The following LHFPL3 variants were observed in gnomAD, a reference collection of about 807,000 sequenced individuals.
The protein encoded by LHFPL3 is LHFPL tetraspan subfamily member 3, also known as LHFPL tetraspan subfamily member 3 protein.
In LHFPL3, 5 loss-of-function variants were observed where a neutral mutation model predicts 19.3. That is an observed-to-expected ratio of 0.26 (90% CI 0.14 to 0.54). The LOEUF is 0.54. Among genes scored for constraint, LHFPL3 ranks in the 20% least tolerant of loss-of-function variants. LHFPL3 has a pLI of 0.94. For missense variants in LHFPL3, 249 were observed against 307.4 expected (o/e 0.81, Z 1.42); for synonymous variants, 133 against 126.2 (o/e 1.05, Z -0.36).
intron 1 of LHFPL3, chr7:104,622,972 T>C (rs956665438): frequency 1.2e-5 from 4 of 330,498 alleles, no homozygotes; most frequent in Non-Finnish European, 2.5e-5. Flanking sequence ...TCATTTTTAT[T>C]ATAGCTATCC....
At chr7:104,806,718 T>C (rs1214750459) in intron 2 of LHFPL3, among the ~76,000 whole-genome samples, 1 of 152,212 alleles carries the variant, frequency 6.6e-6, no homozygotes, top group African/African-American at 2.4e-5. Context: ...TTTGCCTTCA[T>C]TCAGTTGTGA....
In LHFPL3 at chr7:104,588,104, A is replaced by G. The variant is rs545569700; in HGVS notation, c.446-148571A>G. 1.5e-4 allele frequency among the ~76,000 whole-genome samples: 23 copies of G among 152,180 alleles called. No individual in the cohort carries two copies. In the East Asian group the frequency reaches 2.3e-3, roughly 15 times the overall value. ...TGATGGCACTTTCTTTTGCTGTGCA[A>G]AAGCTCTTTAGTTTAATTAGATCCC... On this transcript the variant is annotated intron_variant, in intron 1 of 2. Coordinates refer to ENST00000424859, the MANE Select transcript of LHFPL3 (RefSeq NM_199000.3).
intron 1 of LHFPL3, among the ~76,000 whole-genome samples, chr7:104,490,036 G>A (rs1329864837): frequency 6.6e-6 from 1 of 152,142 alleles, no homozygotes; most frequent in African/African-American, 2.4e-5. Flanking sequence ...CATAGGGCCT[G>A]GGGAGGGACT....
intron 1 of LHFPL3, among the ~76,000 whole-genome samples, chr7:104,591,260 C>G (rs1458354872): frequency 6.6e-6 from 1 of 152,146 alleles, no homozygotes; most frequent in East Asian, 1.9e-4. Context: ...ACCAGTTGTT[C>G]CTTTCCATGT....
Position 104,877,206 on chromosome 7 carries a change from A to G in LHFPL3, c.683-28981A>G, listed in dbSNP as rs976856249. Reference sequence around the variant, plus strand: ...ACGAGTTACTGGGTGCAGCACACCAACATGGCACATGTATACATATGTAAC... The same window carrying G: ...ACGAGTTACTGGGTGCAGCACACCAGCATGGCACATGTATACATATGTAAC... On this transcript the variant is annotated intron_variant, in intron 2 of 2. Coordinates refer to ENST00000424859, the MANE Select transcript of LHFPL3 (RefSeq NM_199000.3). Among the ~76,000 whole-genome samples the G allele has an allele frequency of 4.6e-5, 7 of 152,180 alleles. 1 individual carries two copies. Among genetic ancestry groups the G allele is most frequent in the African/African-American group, 1.7e-4 (7 of 41,440 alleles).
At chr7:104,517,477 G>A (rs1397033279) in intron 1 of LHFPL3, among the ~76,000 whole-genome samples, 1 of 149,052 alleles carries the variant, frequency 6.7e-6, no homozygotes, top group Non-Finnish European at 1.5e-5. Flanking sequence ...TTTAACATAT[G>A]ACTCAAATTA....
At chr7:104,646,329 G>A in intron 1 of LHFPL3, among the ~76,000 whole-genome samples, 1 of 152,188 alleles carries the variant, frequency 6.6e-6, no homozygotes, top group East Asian at 1.9e-4. Context: ...AGGACTCCAA[G>A]TTTTATTTTC....
intron 1 of LHFPL3, among the ~76,000 whole-genome samples, chr7:104,633,082 C>T (rs1007026925): frequency 4.6e-5 from 7 of 152,096 alleles, no homozygotes; most frequent in Non-Finnish European, 1.0e-4. Flanking sequence ...AGAATGATGA[C>T]AGTTGATGAT....
Position 104,656,517 on chromosome 7 carries a change from A to G in LHFPL3, c.446-80158A>G, listed in dbSNP as rs544321274. ...GAGCCAGCTGATCAGATCTCCCAGC[A>G]GAGGCTGATATATGACCCTGAGTAA... On this transcript the variant is annotated intron_variant, in intron 1 of 2. Coordinates refer to ENST00000424859, the MANE Select transcript of LHFPL3 (RefSeq NM_199000.3). Among the ~76,000 whole-genome samples the G allele has an allele frequency of 5.9e-5, 9 of 152,308 alleles. No individual in the cohort carries two copies. The South Asian group carries it at 1.0e-3, about 18-fold the overall frequency.
intron 1 of LHFPL3, among the ~76,000 whole-genome samples, chr7:104,607,301 T>C (rs1037145796): frequency 1.3e-5 from 2 of 152,210 alleles, no homozygotes; most frequent in Non-Finnish European, 1.5e-5. Context: ...CAATGTCAGA[T>C]TTTTTCTCAC....
At chr7:104,382,916 A>G (rs1039196527) in intron 1 of LHFPL3, among the ~76,000 whole-genome samples, 1 of 52,456 alleles carries the variant, frequency 1.9e-5, no homozygotes, top group Non-Finnish European at 3.6e-5. Context: ...CAAAATGCCT[A>G]TTGCATACTT....
intron 1 of LHFPL3, among the ~76,000 whole-genome samples, chr7:104,630,088 G>A (rs961472536): frequency 6.6e-6 from 1 of 152,156 alleles, no homozygotes; most frequent in African/African-American, 2.4e-5. Context: ...AGAAATATAG[G>A]AGAAATAAAA....
chr7:104,707,687 C>G (rs1793218669), intron 1 of LHFPL3, among the ~76,000 whole-genome samples: 1 of 152,132 alleles, frequency 6.6e-6, no homozygotes, highest in South Asian at 2.1e-4. Context: ...TATACTAGCT[C>G]CATTCTGGGT....
intron 1 of LHFPL3, among the ~76,000 whole-genome samples, chr7:104,592,365 C>G (rs868833896): frequency 1.3e-5 from 2 of 151,188 alleles, no homozygotes; most frequent in Non-Finnish European, 2.9e-5. Flanking sequence ...AGCTGCAGGT[C>G]TGTTGGAGTT....
intron 1 of LHFPL3, among the ~76,000 whole-genome samples, chr7:104,553,185 T>C (rs1794693257): frequency 1.3e-5 from 2 of 152,190 alleles, no homozygotes; most frequent in African/African-American, 4.8e-5. Flanking sequence ...GCAGATCTGC[T>C]TTTATAGATG....
intron 2 of LHFPL3, among the ~76,000 whole-genome samples, chr7:104,819,167 T>TA (rs113826488): frequency 7.2e-5 from 11 of 151,898 alleles, no homozygotes; most frequent in Non-Finnish European, 1.3e-4. Context: ...GATCCTGCTT[T>TA]AAAAAAAATA....
At position 104,884,031 on chromosome 7, in the gene LHFPL3, TGCCTCGTAAAACTTTTACA is replaced by T. The variant is rs538483004; in HGVS notation, c.683-22150_683-22132del. Among the ~76,000 whole-genome samples, 396 of 152,290 alleles carry T rather than the reference TGCCTCGTAAAACTTTTACA, an allele frequency of 2.6e-3. 10 individuals carry two copies. The East Asian group carries it at 0.035, about 13-fold the overall frequency. ...CAGACAAGGCTTCTGGGTCTAGCCCTGCCTCGTAAAACTTTTACAGCCTCTGTAATCCCCAAACAGAGAT... is the reference window on the plus strand; with the variant it reads ...CAGACAAGGCTTCTGGGTCTAGCCCTGCCTCTGTAATCCCCAAACAGAGAT... On this transcript the variant is annotated intron_variant, in intron 2 of 2. Transcript: ENST00000424859.
chr7:104,723,442 C>T (rs373834449), intron 1 of LHFPL3, among the ~76,000 whole-genome samples: 1 of 152,118 alleles, frequency 6.6e-6, no homozygotes, highest in Admixed American at 6.5e-5. Flanking sequence ...GTTCTCTCAG[C>T]CCAGTGCAGT....
intron 1 of LHFPL3, among the ~76,000 whole-genome samples, chr7:104,357,793 C>A (rs1180395367): frequency 6.6e-6 from 1 of 152,170 alleles, no homozygotes; most frequent in African/African-American, 2.4e-5. Flanking sequence ...GCTCCTCCTT[C>A]TCCTCCAGCT....
Sources: gnomAD v4.1 joint callset for allele counts (sites outside exome capture counted in the v4.1 genomes callset) on GRCh38, gnomAD v4.1.1 for gene constraint, MANE v1.5 for transcripts, NCBI Gene and HGNC (gene_info 2026-07-23, HGNC 2026-07-21) for gene names.